PAK4: variants seen among roughly 807,000 people sequenced by gnomAD.
PAK4 encodes the protein p21 (RAC1) activated kinase 4.
In PAK4, 49 loss-of-function variants were observed where a neutral mutation model predicts 53.5. The ratio of observed to expected loss-of-function variants is 0.92; its 90% confidence interval spans 0.73 to 1.16. PAK4 has a LOEUF of 1.16. Ranked by LOEUF, PAK4 falls within the 50% of genes most tolerant of loss-of-function variation. The pLI, the probability that PAK4 is intolerant of heterozygous loss-of-function variation, is 0.00. For synonymous variants in PAK4, 376 were observed against 375.6 expected (o/e 1.00, Z -0.01); for missense variants, 824 against 850.7 (o/e 0.97, Z 0.39).
chr19:39,132,080 G>A (rs1382257900), intron 1 of PAK4, among the ~76,000 whole-genome samples: 1 of 152,124 alleles, frequency 6.6e-6, no homozygotes, highest in East Asian at 1.9e-4. Context: ...CCAGCCCCCC[G>A]CCCGGGGTCC....
rs554080534 is a variant in PAK4 at position 39,178,943 on chromosome 19, C to T, written c.*364C>T. ...AGAGGTGAACATGTATGAGTGTGTG[C>T]ACGCGTGTGAGTGTGCATGTGTGTG... On this transcript the variant is annotated 3_prime_UTR_variant, in exon 9 of 9. Coordinates refer to ENST00000358301, the Ensembl canonical transcript of PAK4. This position sits in a 1 kb window ranked among gnomAD's most constrained non-coding sequence, Gnocchi z 4.4. 5.0e-4 allele frequency: 100 copies of T among 200,396 alleles called. No individual in the cohort carries two copies. The highest frequency in any genetic ancestry group is 9.3e-4 in the Non-Finnish European group (95 of 102,602). The allele number at this position is 200,396 out of a possible 1,614,324, so 12.4% of individuals were successfully genotyped here.
intron 1 of PAK4, among the ~76,000 whole-genome samples, chr19:39,167,424 A>G (rs573420410): frequency 2.0e-5 from 3 of 152,036 alleles, no homozygotes; most frequent in Non-Finnish European, 4.4e-5. Context: ...CTAGAAAGCC[A>G]TGAGAGAGTA....
chr19:39,129,324 C>T (rs1022130946), intron 1 of PAK4, among the ~76,000 whole-genome samples: 5 of 151,934 alleles, frequency 3.3e-5, no homozygotes, highest in Non-Finnish European at 5.9e-5. Flanking sequence ...ACAGGAGTTG[C>T]CTGTTCACCT....
intron 1 of PAK4, among the ~76,000 whole-genome samples, chr19:39,135,440 A>G (rs898430612): frequency 2.8e-5 from 4 of 140,824 alleles, no homozygotes; most frequent in Non-Finnish European, 6.0e-5. Flanking sequence ...GATCCAAGCC[A>G]TTCTCCTCCC....
At position 39,160,772 on chromosome 19, in the gene PAK4, A is replaced by G. The variant is rs184944846; in HGVS notation, c.-22-8760A>G. Among the ~76,000 whole-genome samples the G allele has an allele frequency of 1.5e-3, 227 of 152,346 alleles. 5 individuals are homozygous for G. The highest frequency in any genetic ancestry group is 1.6e-4 in the Non-Finnish European group (11 of 68,030). On this transcript the variant is annotated intron_variant, in intron 1 of 8. Transcript: ENST00000358301. The stretch of plus-strand genomic sequence containing the variant: ...AAGCCCTGTAGAACTGTGTGTGTAC[A>G]TTTGTGTAATGTCTTCAGATTCCCT...
At chr19:39,150,944 T>C (rs985897438) in intron 1 of PAK4, among the ~76,000 whole-genome samples, 5 of 152,100 alleles carry the variant, frequency 3.3e-5, no homozygotes, top group Non-Finnish European at 7.3e-5. Context: ...GGGCCCACAC[T>C]GCACTTCTGC....
chr19:39,172,884 C>G, intron 2 of PAK4, 34 bp from the exon 4 acceptor site: 1 of 1,491,910 alleles, frequency 6.7e-7, no homozygotes, highest in South Asian at 1.3e-5. Context: ...CCACTCCTTG[C>G]TGGGCCCCCA....
chr19:39,154,296 T>TGGGAGAGCCACGGAATGTTTTCG (rs1279958541), intron 1 of PAK4, among the ~76,000 whole-genome samples: 2 of 152,156 alleles, frequency 1.3e-5, no homozygotes, highest in African/African-American at 4.8e-5. Context: ...GCCAGCAGCG[T>TGGGAGAGCCACGGAATGTTTTCG]GGGAGAGCCA....
chr19:39,134,294 C>T (rs1173133479), intron 1 of PAK4, among the ~76,000 whole-genome samples: 3 of 152,232 alleles, frequency 2.0e-5, no homozygotes, highest in African/African-American at 7.2e-5. Context: ...CAACGCTTCC[C>T]CACCACCTCG....
chr19:39,177,674 G>A lies in PAK4; in HGVS notation c.1486-1G>A. The A allele has an allele frequency of 6.2e-7, 1 of 1,612,208 alleles. No homozygotes were observed. Among genetic ancestry groups the A allele is most frequent in the Non-Finnish European group, 8.5e-7 (1 of 1,178,856 alleles). On this transcript the variant is annotated splice_acceptor_variant, in intron 7 of 8. Coordinates refer to ENST00000358301, the Ensembl canonical transcript of PAK4. LOFTEE classifies it high-confidence loss of function. ...CCCTGCTGTCCCTTCTCCCGCCCCAGGTAGACATCTGGTCGCTGGGGATAA... is the reference window on the plus strand; with the variant it reads ...CCCTGCTGTCCCTTCTCCCGCCCCAAGTAGACATCTGGTCGCTGGGGATAA...
intron 1 of PAK4, among the ~76,000 whole-genome samples, chr19:39,148,382 A>T (rs927870430): frequency 7.0e-6 from 1 of 143,514 alleles, no homozygotes; most frequent in African/African-American, 2.6e-5. Flanking sequence ...TTTTGTATTA[A>T]TTTTTTTCTT....
At chr19:39,134,236 A>G (rs189144721) in intron 1 of PAK4, among the ~76,000 whole-genome samples, 180 of 152,380 alleles carry the variant, frequency 1.2e-3, no homozygotes, top group South Asian at 0.012. Context: ...GCCCATAGAA[A>G]AGTGCATAAA....
exon 2 of PAK4, chr19:39,169,600 ACTTCGAGCACCGCGTGCACACGGG>A: frequency 6.2e-7 from 1 of 1,611,118 alleles, no homozygotes. Context: ...GCGCCGTCCA[ACTTCGAGCACCGCGTGCACACGGG>A]CTTCGACCAG....
exon 3 of PAK4, chr19:39,172,962 G>A (rs202071466): frequency 7.6e-5 from 118 of 1,546,192 alleles, no homozygotes; most frequent in East Asian, 5.9e-4. Context: ...GGGCCCTCAC[G>A]CTGCTGCTGG....
chr19:39,161,344 G>T lies in PAK4; in HGVS notation c.-22-8188G>T, dbSNP rs1405315893. ...GAGGGAACGGACCTAGGCTGACTGC[G>T]CCAGGCTCCGCGCCAGGTGCTGGGG... On this transcript the variant is annotated intron_variant, in intron 1 of 8. Coordinates refer to ENST00000358301, the Ensembl canonical transcript of PAK4. This position sits in a 1 kb window ranked among gnomAD's most constrained non-coding sequence, Gnocchi z 4.5. Among the ~76,000 whole-genome samples, 2 of 152,170 alleles carry T rather than the reference G, an allele frequency of 1.3e-5. No individual in the cohort carries two copies. Among genetic ancestry groups the T allele is most frequent in the Non-Finnish European group, 2.9e-5 (2 of 68,022 alleles).
At chr19:39,149,708 T>C (rs1043349345) in intron 1 of PAK4, among the ~76,000 whole-genome samples, 1 of 152,096 alleles carries the variant, frequency 6.6e-6, no homozygotes. Context: ...TATAAAAAAT[T>C]AGCTGGGCGT....
intron 1 of PAK4, among the ~76,000 whole-genome samples, chr19:39,154,777 G>A (rs539537627): frequency 5.6e-4 from 85 of 152,252 alleles, no homozygotes; most frequent in African/African-American, 1.9e-3. Context: ...GCTCCTCTGC[G>A]GGTGGTTACT....
At chr19:39,134,383 C>T (rs566129536) in intron 1 of PAK4, among the ~76,000 whole-genome samples, 3 of 152,350 alleles carry the variant, frequency 2.0e-5, no homozygotes, top group East Asian at 3.9e-4. Context: ...GAGTGCTCTC[C>T]TGACCTTGGT....
rs139956496 is a variant in PAK4 at position 39,175,336 on chromosome 19, C to T, written c.1257C>T (p.Ala419=). 497 of 1,593,482 alleles carry T rather than the reference C, an allele frequency of 3.1e-4. 3 individuals are homozygous for T. In the African/African-American group the frequency reaches 5.7e-3, roughly 18 times the overall value. Residue 419 remains alanine, a synonymous_variant, in exon 6 of 9, where the codon GCC becomes GCT. Transcript: ENST00000358301. This position sits in a 1 kb window ranked among gnomAD's most constrained non-coding sequence, Gnocchi z 4.7. ...GGATGAACGAGGAGCAGATCGCGGC[C>T]GTGTGCCTTGCAGTGCTGCAGGCCC...
Sources: gnomAD v4.1 joint callset for allele counts (sites outside exome capture counted in the v4.1 genomes callset) on GRCh38, gnomAD v4.1.1 for gene constraint, Gnocchi (gnomAD v3.1) non-coding constraint, MANE v1.5 for transcripts, NCBI Gene and HGNC (gene_info 2026-07-23, HGNC 2026-07-21) for gene names.